Variants in GFPT2 observed in about 807,000 individuals in gnomAD.
The protein encoded by GFPT2 is glutamine--fructose-6-phosphate transaminase 2.
In GFPT2, 62 loss-of-function variants were observed where a neutral mutation model predicts 85.6. The ratio of observed to expected loss-of-function variants is 0.72; its 90% confidence interval spans 0.59 to 0.90. GFPT2 has a LOEUF of 0.90. Ranked by LOEUF, GFPT2 falls within the 40% of genes least tolerant of loss-of-function variation. GFPT2 has a pLI of 0.00. For missense variants in GFPT2, 788 were observed against 893.4 expected (o/e 0.88, Z 1.50); for synonymous variants, 368 against 344.5 (o/e 1.07, Z -0.75).
In GFPT2 at chr5:180,330,486, C is replaced by T. The variant is rs574683221; in HGVS notation, c.534+214G>A. Among the ~76,000 whole-genome samples, 2 of 152,258 alleles carry T rather than the reference C, an allele frequency of 1.3e-5. No homozygotes were observed. Among genetic ancestry groups the T allele is most frequent in the South Asian group, 2.1e-4 (1 of 4,828 alleles). On this transcript the variant is annotated intron_variant, in intron 6 of 18. Transcript: ENST00000253778. The surrounding 1 kb of genome is among the most constrained non-coding windows in gnomAD (Gnocchi z 4.4). ...GGCACTTTCTATTTGATGTTGACTA[C>T]CCAAACCACAGAACGTCTTCCAGTT...
chr5:180,339,680 C>A (rs887036024), intron 1 of GFPT2, among the ~76,000 whole-genome samples: 3 of 152,214 alleles, frequency 2.0e-5, no homozygotes, highest in African/African-American at 7.2e-5. Context: ...TCCTTTCATC[C>A]TCGCTCCCAC....
At position 180,338,577 on chromosome 5, in the gene GFPT2, T is replaced by G. The variant is rs1408400523; in HGVS notation, c.31A>C (p.Arg11=). Reference sequence around the variant, plus strand: ...ATCTCCTTCCTCGTCCGGGGGACTCTGTAGTTCATGTAGGCAAAGATTCCT... The same window carrying G: ...ATCTCCTTCCTCGTCCGGGGGACTCGGTAGTTCATGTAGGCAAAGATTCCT... MCGIFAYMNY[R]VPRTRKEIFE... is the part of the protein sequence containing the mutation. The change falls in exon 2 of 19, where the codon AGA becomes CGA. Residue 11 remains arginine (R), a synonymous_variant. Coordinates refer to ENST00000253778, the MANE Select transcript of GFPT2 (RefSeq NM_005110.4). The G allele has an allele frequency of 1.2e-6, 2 of 1,602,886 alleles. No individual in the cohort carries two copies. The highest frequency in any genetic ancestry group is 1.1e-5 in the South Asian group (1 of 90,640).
chr5:180,345,003 G>C (rs377172706), intron 1 of GFPT2, among the ~76,000 whole-genome samples: 3 of 152,240 alleles, frequency 2.0e-5, no homozygotes, highest in African/African-American at 7.2e-5. Context: ...CGTGGCCAGT[G>C]CCGGAACCCA....
In GFPT2 at chr5:180,346,199, G is replaced by A. The variant is rs540017584; in HGVS notation, c.7+7012C>T. On this transcript the variant is annotated intron_variant, in intron 1 of 18. Transcript: ENST00000253778. Reference sequence around the variant, plus strand: ...GTTCCCAGGGATAGAGATGGCATCGGAGGCTCCACTGCCAAAGACTTGAGG... The same window carrying A: ...GTTCCCAGGGATAGAGATGGCATCGAAGGCTCCACTGCCAAAGACTTGAGG... Among the ~76,000 whole-genome samples the A allele has an allele frequency of 2.5e-3, 385 of 152,240 alleles. 3 individuals carry two copies. The highest frequency in any genetic ancestry group is 4.1e-3 in the Non-Finnish European group (278 of 68,016).
chr5:180,342,194 C>G (rs768967544), intron 1 of GFPT2, among the ~76,000 whole-genome samples: 2 of 152,112 alleles, frequency 1.3e-5, no homozygotes. Context: ...GTCCATTAAC[C>G]CTCTTTCTTT....
At chr5:180,347,960 C>T (rs1039718718) in intron 1 of GFPT2, among the ~76,000 whole-genome samples, 2 of 152,112 alleles carry the variant, frequency 1.3e-5, no homozygotes, top group African/African-American at 2.4e-5. Flanking sequence ...GGCTTCCCAA[C>T]GAAAGCCCAG....
rs1763669065 is a variant in GFPT2 at position 180,301,395 on chromosome 5, C to G, written c.*169G>C. ...ACTTCAGGACACAGAGAAACAGTATCTGCTGTAAGCAAAAGCACTTGGGTA... is the reference window on the plus strand; with the variant it reads ...ACTTCAGGACACAGAGAAACAGTATGTGCTGTAAGCAAAAGCACTTGGGTA... On this transcript the variant is annotated 3_prime_UTR_variant, in exon 19 of 19. Coordinates refer to ENST00000253778, the MANE Select transcript of GFPT2 (RefSeq NM_005110.4). 1 of 655,652 alleles carries G rather than the reference C, an allele frequency of 1.5e-6. No homozygotes were observed. The highest frequency in any genetic ancestry group is 2.8e-6 in the Non-Finnish European group (1 of 360,680). 40.6% of individuals were successfully genotyped at this position (655,652 alleles called of 1,614,324 possible).
At chr5:180,320,384 T>A (rs1302002696) in intron 9 of GFPT2, among the ~76,000 whole-genome samples, 3 of 152,208 alleles carry the variant, frequency 2.0e-5, no homozygotes, top group Non-Finnish European at 4.4e-5. Context: ...TTAAAATCAT[T>A]TTAAGTTTGA....
intron 15 of GFPT2, among the ~76,000 whole-genome samples, chr5:180,308,107 T>C (rs973479751): frequency 2.7e-4 from 41 of 151,944 alleles, no homozygotes; most frequent in Admixed American, 6.6e-5. Context: ...ATACAAAAAA[T>C]TAGCCGGGCA....
chr5:180,337,720 C>T (rs144365197), intron 2 of GFPT2, among the ~76,000 whole-genome samples: 6 of 152,192 alleles, frequency 3.9e-5, no homozygotes, highest in African/African-American at 9.6e-5. Context: ...GTCTACAACT[C>T]GATGAGCTTG....
chr5:180,335,984 T>C (rs978788804), intron 3 of GFPT2, 31 bp from the exon 4 acceptor site: 1 of 1,550,838 alleles, frequency 6.4e-7, no homozygotes. Context: ...TTTGCCGCAC[T>C]TGAACAACAA....
At position 180,323,492 on chromosome 5, in the gene GFPT2, T is replaced by C. The variant is rs952263564; in HGVS notation, c.794+696A>G. ...AGGTACCAGAGGTGATTACAGCAGT[T>C]TTCTACTTCAAATGGCAGGAAAGTG... is the stretch of plus-strand genomic sequence containing the variant. On this transcript the variant is annotated intron_variant, in intron 9 of 18. Transcript: ENST00000253778. The surrounding 1 kb of genome is among the most constrained non-coding windows in gnomAD (Gnocchi z 4.0). Among the ~76,000 whole-genome samples, 1 of 152,126 alleles carries C rather than the reference T, an allele frequency of 6.6e-6. No individual in the cohort carries two copies. Among genetic ancestry groups the C allele is most frequent in the South Asian group, 2.1e-4 (1 of 4,820 alleles).
chr5:180,307,028 G>A, intron 16 of GFPT2, 148 bp downstream of exon 16: 2 of 625,120 alleles, frequency 3.2e-6, no homozygotes, highest in Admixed American at 2.9e-5. Flanking sequence ...GTGGAGAGCT[G>A]GTGCTCAGCG....
In GFPT2 at chr5:180,307,315, A is replaced by T; in HGVS notation, c.1547-12T>A. On this transcript the variant is annotated splice_polypyrimidine_tract_variant and intron_variant, in intron 15 of 18. Coordinates refer to ENST00000253778, the MANE Select transcript of GFPT2 (RefSeq NM_005110.4). Reference sequence around the variant, plus strand: ...TTCCTTGATCAGCTCTGGGCCATGCACGGAGCAGAGGGAGAAAACCAGTCA... The same window carrying T: ...TTCCTTGATCAGCTCTGGGCCATGCTCGGAGCAGAGGGAGAAAACCAGTCA... The T allele has an allele frequency of 6.2e-7, 1 of 1,613,574 alleles. No homozygotes were observed. Among genetic ancestry groups the T allele is most frequent in the Non-Finnish European group, 8.5e-7 (1 of 1,179,526 alleles).
intron 13 of GFPT2, 69 bp downstream of exon 13, chr5:180,316,272 T>C (rs60396605): frequency 1.9e-6 from 3 of 1,539,912 alleles, no homozygotes; most frequent in South Asian, 1.1e-5. Context: ...CTTAACTGAA[T>C]GAAGGAGAAG....
chr5:180,301,640 C>T (rs1670970021), intron 18 of GFPT2, 32 bp from the exon 19 acceptor site: 2 of 1,580,804 alleles, frequency 1.3e-6, no homozygotes, highest in South Asian at 1.1e-5. Flanking sequence ...GTTCAGGACC[C>T]CAAAGATCTC....
intron 1 of GFPT2, chr5:180,352,721 G>A (rs1764738183): frequency 2.4e-6 from 1 of 408,594 alleles, no homozygotes; most frequent in South Asian, 1.7e-5. Flanking sequence ...GCGACCGGGC[G>A]GGCTGCGGGG....
intron 14 of GFPT2, among the ~76,000 whole-genome samples, chr5:180,313,221 C>A (rs919878018): frequency 1.3e-5 from 2 of 152,082 alleles, no homozygotes; most frequent in Non-Finnish European, 2.9e-5. Context: ...AAATAAGCAT[C>A]TCCAAGGTGC....
intron 10 of GFPT2, among the ~76,000 whole-genome samples, chr5:180,317,684 G>A (rs1401629846): frequency 3.9e-5 from 5 of 127,558 alleles, no homozygotes; most frequent in African/African-American, 1.3e-4. Flanking sequence ...GCGTGAACCC[G>A]GGAGGCGGAG....
Sources: allele counts gnomAD v4.1 joint callset (sites outside exome capture counted in the v4.1 genomes callset), GRCh38; gene constraint gnomAD v4.1.1; non-coding constraint Gnocchi (gnomAD v3.1); transcripts MANE v1.5; gene names NCBI Gene and HGNC (gene_info 2026-07-23, HGNC 2026-07-21).